Variants in ATXN1 observed in about 807,000 individuals in gnomAD.
The protein encoded by ATXN1 is ataxin 1.
In ATXN1, 8 loss-of-function variants were observed where a neutral mutation model predicts 56.4. The ratio of observed to expected loss-of-function variants is 0.14; its 90% CI spans 0.08 to 0.26. ATXN1 has a LOEUF of 0.26. Among genes scored for constraint, ATXN1 ranks in the 10% least tolerant of loss-of-function variants. ATXN1 has a pLI of 1.00. For synonymous variants in ATXN1, 514 were observed against 494.6 expected, an observed-to-expected ratio of 1.04 and a Z score of -0.52; for missense variants, 987 against 1,106.5, an observed-to-expected ratio of 0.89 and a Z score of 1.53.
chr6:16,448,077 G>A (rs1759670239), intron 6 of ATXN1, among the ~76,000 whole-genome samples: 2 of 152,040 alleles, frequency 1.3e-5, no homozygotes, highest in Admixed American at 6.6e-5. Context: ...TACATTTATG[G>A]TAAAAACCAC....
intron 2 of ATXN1, among the ~76,000 whole-genome samples, chr6:16,706,435 G>A (rs891539946): frequency 6.6e-6 from 1 of 152,086 alleles, no homozygotes; most frequent in Non-Finnish European, 1.5e-5. Flanking sequence ...GATCTTAAAG[G>A]AAGAGAGGGC....
At chr6:16,442,880 C>T (rs529339517) in intron 6 of ATXN1, among the ~76,000 whole-genome samples, 20 of 152,186 alleles carry the variant, frequency 1.3e-4, no homozygotes, top group South Asian at 2.1e-4. Context: ...GTCGTGGTGG[C>T]GCACACCTGT....
At chr6:16,307,297 TAAAC>T (rs1760273103) in intron 7 of ATXN1, among the ~76,000 whole-genome samples, 1 of 152,176 alleles carries the variant, frequency 6.6e-6, no homozygotes, top group African/African-American at 2.4e-5. Flanking sequence ...AGGACAGGAC[TAAAC>T]ATGGATCAGA....
chr6:16,398,196 C>T (rs1009660795), intron 6 of ATXN1, among the ~76,000 whole-genome samples: 1 of 152,168 alleles, frequency 6.6e-6, no homozygotes, highest in Non-Finnish European at 1.5e-5. Flanking sequence ...ACGAACTCCA[C>T]CATCTAAGCT....
At chr6:16,643,306 T>A (rs1763741001) in intron 3 of ATXN1, among the ~76,000 whole-genome samples, 1 of 149,290 alleles carries the variant, frequency 6.7e-6, no homozygotes, top group African/African-American at 2.5e-5. Context: ...GTCTAAAAAA[T>A]TCTGAACTCT....
At chr6:16,415,544 T>G (rs1561887267) in intron 6 of ATXN1, among the ~76,000 whole-genome samples, 1 of 152,212 alleles carries the variant, frequency 6.6e-6, no homozygotes, top group Non-Finnish European at 1.5e-5. Flanking sequence ...TGGTTATTAT[T>G]TCAACACAGA....
intron 2 of ATXN1, among the ~76,000 whole-genome samples, chr6:16,689,619 T>C (rs577763732): frequency 5.4e-4 from 82 of 151,520 alleles, no homozygotes; most frequent in Non-Finnish European, 1.0e-3. Context: ...CCTAGATTTG[T>C]ATTTTTAATT....
intron 5 of ATXN1, among the ~76,000 whole-genome samples, chr6:16,513,035 T>C (rs767271008): frequency 1.3e-5 from 2 of 152,252 alleles, no homozygotes; most frequent in Non-Finnish European, 2.9e-5. Context: ...GTATCTGTTC[T>C]TGCAGTGCAA....
At chr6:16,724,741 TAG>T (rs1219055316) in intron 2 of ATXN1, among the ~76,000 whole-genome samples, 2 of 152,262 alleles carry the variant, frequency 1.3e-5, no homozygotes, top group Non-Finnish European at 2.9e-5. Context: ...AAAGCTGATA[TAG>T]AGTCAGGTTT....
At chr6:16,686,273 C>T (rs1535601) in intron 2 of ATXN1, among the ~76,000 whole-genome samples, 47,700 of 151,990 alleles carry the variant, frequency 0.31, 7,651 homozygotes, top group Non-Finnish European at 0.35. Flanking sequence ...AAATATACAA[C>T]TTATCCTTCC....
chr6:16,308,597 T>C (rs1299671381), intron 7 of ATXN1, among the ~76,000 whole-genome samples: 1 of 152,186 alleles, frequency 6.6e-6, no homozygotes, highest in African/African-American at 2.4e-5. Context: ...CCCAAAGCAC[T>C]GTCCCTTAGA....
chr6:16,348,013 A>G (rs1365525866), intron 6 of ATXN1, among the ~76,000 whole-genome samples: 2 of 152,214 alleles, frequency 1.3e-5, no homozygotes, highest in Admixed American at 1.3e-4. Flanking sequence ...ACCCACAGGG[A>G]GGAATGAACA....
intron 4 of ATXN1, among the ~76,000 whole-genome samples, chr6:16,525,090 T>C (rs1188777382): frequency 6.6e-6 from 1 of 152,160 alleles, no homozygotes; most frequent in Non-Finnish European, 1.5e-5. Context: ...TGTGAGTACC[T>C]GTACTGTATT....
chr6:16,740,077 G>A (rs1263733193), intron 2 of ATXN1, among the ~76,000 whole-genome samples: 5 of 152,156 alleles, frequency 3.3e-5, no homozygotes, highest in Non-Finnish European at 5.9e-5. Context: ...TCACTAATGA[G>A]GTTTCCAGAT....
At chr6:16,531,929 T>C (rs1293549194) in intron 4 of ATXN1, among the ~76,000 whole-genome samples, 1 of 152,214 alleles carries the variant, frequency 6.6e-6, no homozygotes, top group Non-Finnish European at 1.5e-5. Context: ...ATAGTATTTC[T>C]TAAACACCTA....
chr6:16,391,581 T>C (rs1464924502), intron 6 of ATXN1, among the ~76,000 whole-genome samples: 1 of 148,362 alleles, frequency 6.7e-6, no homozygotes, highest in African/African-American at 2.5e-5. Flanking sequence ...GAATTTGTTA[T>C]CTGTTTTTTT....
intron 2 of ATXN1, among the ~76,000 whole-genome samples, chr6:16,719,654 C>T (rs1328187573): frequency 6.6e-6 from 1 of 152,190 alleles, no homozygotes; most frequent in African/African-American, 2.4e-5. Flanking sequence ...TCACATCCCA[C>T]CTGTCCTTCC....
At chr6:16,447,088 G>A (rs1167261928) in intron 6 of ATXN1, among the ~76,000 whole-genome samples, 2 of 152,128 alleles carry the variant, frequency 1.3e-5, no homozygotes, top group Admixed American at 6.5e-5. Flanking sequence ...TAATGATAGT[G>A]CTTATCACTA....
chr6:16,405,552 A>G (rs1758668817), intron 6 of ATXN1, among the ~76,000 whole-genome samples: 1 of 152,224 alleles, frequency 6.6e-6, no homozygotes, highest in African/African-American at 2.4e-5. Context: ...GCAGGAAGCA[A>G]TAAAACAATC....
Sources: allele counts gnomAD v4.1 joint callset (sites outside exome capture counted in the v4.1 genomes callset), GRCh38; gene constraint gnomAD v4.1.1; transcripts MANE v1.5; gene names NCBI Gene and HGNC (gene_info 2026-07-23, HGNC 2026-07-21).